PWWP2A: variants seen among roughly 807,000 people sequenced by gnomAD.
PWWP2A encodes the protein PWWP domain-containing protein 2A.
Under a neutral mutation model 48.5 loss-of-function variants are expected in PWWP2A, and 18 were observed. The ratio of observed to expected loss-of-function variants is 0.37; its 90% confidence interval spans 0.26 to 0.55. The LOEUF (loss-of-function observed/expected upper bound fraction) is 0.55. Ranked by LOEUF, PWWP2A falls within the 20% of genes least tolerant of loss-of-function variation. The pLI is 0.81. For missense variants in PWWP2A, 867 were observed against 976.4 expected (o/e 0.89, Z 1.49); for synonymous variants, 396 against 387.7 (o/e 1.02, Z -0.25).
intron 2 of PWWP2A, among the ~76,000 whole-genome samples, chr5:160,068,935 T>G (rs1420969683): frequency 6.6e-6 from 1 of 152,318 alleles, no homozygotes; most frequent in East Asian, 1.9e-4. Context: ...ACTAGTCATC[T>G]CCATAAATTT....
Position 160,107,532 on chromosome 5 carries a change from A to G in PWWP2A, c.584+11273T>C, listed in dbSNP as rs1757021874. Among the ~76,000 whole-genome samples, 4 of 152,312 alleles carry G rather than the reference A, an allele frequency of 2.6e-5. No homozygotes were observed. The South Asian group carries it at 8.3e-4, about 32-fold the overall frequency. ...AAAAATAACTACTAACACATCTTTC[A>G]TTTTTTATCAATATGAAATTAACTC... On this transcript the variant is annotated intron_variant, in intron 1 of 1. Coordinates refer to ENST00000307063, the MANE Select transcript of PWWP2A (RefSeq NM_001130864.2).
the PWWP2A span, among the ~76,000 whole-genome samples, chr5:160,045,200 A>G: frequency 6.6e-6 from 1 of 152,196 alleles, no homozygotes; most frequent in Non-Finnish European, 1.5e-5. Context: ...TGTAAGAAAT[A>G]GTTCATTTCC....
intron 1 of PWWP2A, among the ~76,000 whole-genome samples, chr5:160,109,799 AT>A (rs1561698760): frequency 5.4e-5 from 7 of 129,910 alleles, no homozygotes; most frequent in Admixed American, 8.3e-5. Flanking sequence ...ATATATATAT[AT>A]ATATATATAA....
intron 1 of PWWP2A, chr5:160,108,709 A>G: frequency 1.8e-6 from 1 of 553,450 alleles, no homozygotes; most frequent in Non-Finnish European, 3.1e-6. Context: ...TGAAAACTGA[A>G]GTTTCCTAAG....
chr5:160,072,832 TAAATG>T (rs1753772292), downstream of PWWP2A, among the ~76,000 whole-genome samples: 1 of 151,108 alleles, frequency 6.6e-6, no homozygotes, highest in African/African-American at 2.4e-5. Flanking sequence ...CAAAAATAAA[TAAATG>T]AATAAGTAAA....
At chr5:160,082,584 T>C (rs1754324226) in intron 2 of PWWP2A, among the ~76,000 whole-genome samples, 1 of 152,240 alleles carries the variant, frequency 6.6e-6, no homozygotes, top group African/African-American at 2.4e-5. Context: ...GATCTCATGT[T>C]TCCCTGTGCA....
At chr5:160,065,204 C>G in intron 4 of PWWP2A, 1 of 1,161,240 alleles carries the variant, frequency 8.6e-7, no homozygotes, top group East Asian at 2.5e-5. Context: ...CCAGTGCTCC[C>G]TTGTCCCTCT....
At chr5:160,051,168 A>AAT in the PWWP2A span, 2 of 1,611,076 alleles carry the variant, frequency 1.2e-6, no homozygotes, top group Non-Finnish European at 1.7e-6. Flanking sequence ...TGAAAGACTA[A>AAT]AAGAAGAGAT....
At chr5:160,083,390 G>A (rs1754382900) in intron 2 of PWWP2A, among the ~76,000 whole-genome samples, 1 of 152,232 alleles carries the variant, frequency 6.6e-6, no homozygotes, top group Admixed American at 6.5e-5. Context: ...GTTGGAATGT[G>A]TGGCATTTCC....
At chr5:160,106,886 G>A (rs1318874161) in intron 1 of PWWP2A, among the ~76,000 whole-genome samples, 1 of 149,878 alleles carries the variant, frequency 6.7e-6, no homozygotes. Context: ...GTGCAGTGGG[G>A]AGATCTCAGC....
intron 2 of PWWP2A, among the ~76,000 whole-genome samples, chr5:160,069,383 T>C (rs1025783933): frequency 1.3e-5 from 2 of 152,308 alleles, no homozygotes; most frequent in East Asian, 3.9e-4. Flanking sequence ...GGTCAGTAAC[T>C]TATCTGTGAC....
At chr5:160,111,441 T>C (rs1757560545) in intron 1 of PWWP2A, among the ~76,000 whole-genome samples, 1 of 151,916 alleles carries the variant, frequency 6.6e-6, no homozygotes, top group Non-Finnish European at 1.5e-5. Context: ...GTGCTGGTAT[T>C]ACAGGCGTGA....
chr5:160,059,111 C>G (rs1311022246), downstream of PWWP2A, among the ~76,000 whole-genome samples: 1 of 152,190 alleles, frequency 6.6e-6, no homozygotes, highest in South Asian at 2.1e-4. Context: ...GAGAGTCAGC[C>G]TATCCTTTGA....
At chr5:160,081,073 G>T in intron 2 of PWWP2A, among the ~76,000 whole-genome samples, 1 of 152,104 alleles carries the variant, frequency 6.6e-6, no homozygotes, top group Non-Finnish European at 1.5e-5. Context: ...ACTAACAAAT[G>T]AAAGGGGAAA....
intron 2 of PWWP2A, among the ~76,000 whole-genome samples, chr5:160,084,290 T>A (rs995738629): frequency 1.3e-5 from 2 of 152,214 alleles, no homozygotes; most frequent in Non-Finnish European, 2.9e-5. Flanking sequence ...TCACATAGTG[T>A]GTAAGTGGCT....
the PWWP2A span, among the ~76,000 whole-genome samples, chr5:160,051,514 A>G: frequency 6.6e-6 from 1 of 152,244 alleles, no homozygotes; most frequent in African/African-American, 2.4e-5. Flanking sequence ...ATTACATAAA[A>G]ACAGTTTAGT....
At chr5:160,100,855 T>A (rs570874478) in intron 1 of PWWP2A, among the ~76,000 whole-genome samples, 1 of 152,290 alleles carries the variant, frequency 6.6e-6, no homozygotes, top group East Asian at 1.9e-4. Flanking sequence ...GGAATTACGA[T>A]ACAATCCAGC....
At chr5:160,084,167 CA>C (rs1171332605) in intron 2 of PWWP2A, among the ~76,000 whole-genome samples, 3 of 152,186 alleles carry the variant, frequency 2.0e-5, no homozygotes, top group African/African-American at 7.2e-5. Flanking sequence ...TCATGCAAGA[CA>C]TTTTTTTTAT....
At chr5:160,117,585 A>ATC (rs1309756029) in intron 1 of PWWP2A, among the ~76,000 whole-genome samples, 6 of 151,586 alleles carry the variant, frequency 4.0e-5, no homozygotes, top group African/African-American at 1.5e-4. Context: ...TGAACCCAGG[A>ATC]GGCGGAGGTT....
Sources: allele counts gnomAD v4.1 joint callset (sites outside exome capture counted in the v4.1 genomes callset), GRCh38; gene constraint gnomAD v4.1.1; transcripts MANE v1.5; gene names NCBI Gene and HGNC (gene_info 2026-07-23, HGNC 2026-07-21).